The following PIGZ variants were observed in gnomAD, a reference collection of about 807,000 sequenced individuals.
PIGZ encodes the protein GPI alpha-1,2-mannosyltransferase 4.
PIGZ carries 16 observed loss-of-function variants against 16.4 expected under a neutral mutation model. The ratio of observed to expected loss-of-function variants is 0.97; its 90% CI spans 0.66 to 1.48. The LOEUF (loss-of-function observed/expected upper bound fraction) is 1.48, where lower values mean the gene tolerates loss of function less well. Ranked by LOEUF, PIGZ falls within the 40% of genes most tolerant of loss-of-function variation. PIGZ has a pLI of 0.00. For synonymous variants in PIGZ, 409 were observed against 338.4 expected (o/e 1.21, Z -2.29); for missense variants, 770 against 739.2 (o/e 1.04, Z -0.48).
At chr3:196,954,420 T>C (rs1181209075) in intron 1 of PIGZ, among the ~76,000 whole-genome samples, 1 of 152,274 alleles carries the variant, frequency 6.6e-6, no homozygotes, top group African/African-American at 2.4e-5. Flanking sequence ...TGATTTTTAT[T>C]CCTAATATTG....
chr3:196,950,476 C>T (rs544130084), intron 2 of PIGZ, among the ~76,000 whole-genome samples: 3 of 152,330 alleles, frequency 2.0e-5, no homozygotes, highest in South Asian at 4.1e-4. Flanking sequence ...CTGGCTGTTT[C>T]GAGCTGATCA....
At chr3:196,956,352 C>T (rs950582240) in intron 1 of PIGZ, among the ~76,000 whole-genome samples, 17 of 152,260 alleles carry the variant, frequency 1.1e-4, no homozygotes, top group South Asian at 2.1e-4. Context: ...TCTTACATGG[C>T]AGCAGGCAAA....
chr3:196,952,758 G>A (rs555475798), intron 1 of PIGZ, among the ~76,000 whole-genome samples: 1 of 152,292 alleles, frequency 6.6e-6, no homozygotes, highest in African/African-American at 2.4e-5. Context: ...TGAATTGGTA[G>A]ACTAAGAAGA....
intron 2 of PIGZ, 30 bp from the exon 3 acceptor site, chr3:196,948,715 C>T (rs1717061939): frequency 1.4e-6 from 2 of 1,433,008 alleles, no homozygotes; most frequent in Non-Finnish European, 9.1e-7. Flanking sequence ...TGAGCCAGTA[C>T]CAAGCTCAGG....
chr3:196,968,527 G>A (rs1488334037), intron 1 of PIGZ, among the ~76,000 whole-genome samples, 160 bp downstream of exon 1: 1 of 152,206 alleles, frequency 6.6e-6, no homozygotes, highest in Non-Finnish European at 1.5e-5. Flanking sequence ...AGGTGCCTGC[G>A]AGAATGCGGG....
intron 1 of PIGZ, among the ~76,000 whole-genome samples, chr3:196,963,127 T>C (rs1717788228): frequency 6.6e-6 from 1 of 152,212 alleles, no homozygotes; most frequent in African/African-American, 2.4e-5. Context: ...GTAGCAGGTA[T>C]CACTACGTCC....
At position 196,948,073 on chromosome 3, in the gene PIGZ, G is replaced by C; in HGVS notation, c.824C>G (p.Thr275Arg). 3 of 1,587,944 alleles carry C rather than the reference G, an allele frequency of 1.9e-6. No individual in the cohort carries two copies. The South Asian group carries it at 3.4e-5, about 18-fold the overall frequency. ...AALTAAVFVA[T>R]DSWYFSSPAT... The stretch of plus-strand genomic sequence containing the variant: ...GGGGCTGGAGAAATACCAGCTGTCC[G>C]TGGCCACAAACACCGCTGCTGTGAG... The change falls in exon 3 of 3, where the codon ACG (threonine) becomes AGG (arginine). Residue 275 changes from threonine to arginine, a missense_variant. Thr to Arg is a moderately conservative substitution (Grantham distance 71, BLOSUM62 -1). Transcript: ENST00000412723.
rs1717052453 is a variant in PIGZ, at chr3:196,948,578, G to A, written c.319C>T (p.Leu107Phe). The stretch of plus-strand genomic sequence containing the variant: ...GGCCCCAGCTCCTCCCAGAGCCTGA[G>A]CAGCCAGAAGGTGGAACCAGAGATC... Reference protein sequence around the residue: ...LLISGSTFWLLRLWEELGPWP... With the variant: ...LLISGSTFWLFRLWEELGPWP... Residue 107 changes from leucine (L) to phenylalanine (F), a missense_variant, in exon 3 of 3, where the codon CTC (leucine) becomes TTC (phenylalanine). Coordinates refer to ENST00000412723, the MANE Select transcript of PIGZ (RefSeq NM_025163.4). 3 of 1,587,714 alleles carry A rather than the reference G, an allele frequency of 1.9e-6. No individual in the cohort carries two copies. Among genetic ancestry groups the A allele is most frequent in the Non-Finnish European group, 2.6e-6 (3 of 1,168,174 alleles).
chr3:196,963,528 T>C (rs1350465075), intron 1 of PIGZ, among the ~76,000 whole-genome samples: 1 of 152,256 alleles, frequency 6.6e-6, no homozygotes, highest in Admixed American at 6.5e-5. Flanking sequence ...TGCATTTCTC[T>C]TTAAGATCAA....
At position 196,965,864 on chromosome 3, in the gene PIGZ, G is replaced by A. The variant is rs1480443219; in HGVS notation, c.-1+2823C>T. On this transcript the variant is annotated intron_variant, in intron 1 of 2. Transcript: ENST00000412723. The surrounding 1 kb of genome is among the most constrained non-coding windows in gnomAD (Gnocchi z 4.2). ...CCTGGAGTAGACTGCACCGCCATCC[G>A]CCTCTCCACTTTCCCTCTCTCACTG... Among the ~76,000 whole-genome samples the A allele has an allele frequency of 1.3e-5, 2 of 152,110 alleles. No homozygotes were observed. Among genetic ancestry groups the A allele is most frequent in the Admixed American group, 6.6e-5 (1 of 15,256 alleles).
chr3:196,950,610 T>C (rs9883886), intron 2 of PIGZ, among the ~76,000 whole-genome samples: 53,896 of 152,138 alleles, frequency 0.35, 10,531 homozygotes, highest in East Asian at 0.83. Flanking sequence ...TCTATCTGGC[T>C]GCTTTTCTGG....
intron 2 of PIGZ, among the ~76,000 whole-genome samples, chr3:196,950,302 T>C (rs1051887902): frequency 1.3e-5 from 2 of 152,202 alleles, no homozygotes; most frequent in African/African-American, 4.8e-5. Context: ...CTTAAATTTT[T>C]TGTAAGAAGA....
chr3:196,949,653 G>C (rs780993114), intron 2 of PIGZ, among the ~76,000 whole-genome samples: 1 of 152,186 alleles, frequency 6.6e-6, no homozygotes, highest in Non-Finnish European at 1.5e-5. Context: ...TGAGCTGCTC[G>C]TAGGATTTTG....
At chr3:196,956,016 T>C (rs1291957257) in intron 1 of PIGZ, among the ~76,000 whole-genome samples, 1 of 152,018 alleles carries the variant, frequency 6.6e-6, no homozygotes, top group South Asian at 2.1e-4. Context: ...AGTTTGGAAG[T>C]TACATATACT....
Position 196,947,382 on chromosome 3 carries a change from TTGTC to T in PIGZ, c.1511_1514del (p.Arg504AsnfsTer18), listed in dbSNP as rs1270795528. 6.2e-7 allele frequency: 1 copy of T among 1,614,052 alleles called. No individual in the cohort carries two copies. Among genetic ancestry groups the T allele is most frequent in the Non-Finnish European group, 8.5e-7 (1 of 1,180,016 alleles). ...GCCCACCAGCCACTTGGCAGGCTGG[TTGTC>T]TGGTGAAGCTTTTCAGGGTTTGGCA... On this transcript the variant is annotated frameshift_variant, in exon 3 of 3. Coordinates refer to ENST00000412723, the MANE Select transcript of PIGZ (RefSeq NM_025163.4). LOFTEE classifies it high-confidence loss of function.
Position 196,965,857 on chromosome 3 carries a change from G to A in PIGZ, c.-1+2830C>T, listed in dbSNP as rs534307727. ...AGCATGACCTGGAGTAGACTGCACC[G>A]CCATCCGCCTCTCCACTTTCCCTCT... On this transcript the variant is annotated intron_variant, in intron 1 of 2. Coordinates refer to ENST00000412723, the MANE Select transcript of PIGZ (RefSeq NM_025163.4). The surrounding 1 kb of genome is among the most constrained non-coding windows in gnomAD (Gnocchi z 4.2). Among the ~76,000 whole-genome samples, 2 of 152,194 alleles carry A rather than the reference G, an allele frequency of 1.3e-5. No homozygotes were observed. Among genetic ancestry groups the A allele is most frequent in the East Asian group, 1.9e-4 (1 of 5,180 alleles).
rs1490867716 is a variant in PIGZ at position 196,965,381 on chromosome 3, G to A, written c.-1+3306C>T. On this transcript the variant is annotated intron_variant, in intron 1 of 2. Transcript: ENST00000412723. This position sits in a 1 kb window ranked among gnomAD's most constrained non-coding sequence, Gnocchi z 4.2. ...ACTCCCTAACTATCCGAAGAACAGC[G>A]TGGGGGAAACCACCCCATGATCCGA... Among the ~76,000 whole-genome samples, 10 of 152,222 alleles carry A rather than the reference G, an allele frequency of 6.6e-5. No homozygotes were observed. The highest frequency in any genetic ancestry group is 1.7e-4 in the African/African-American group (7 of 41,520).
intron 2 of PIGZ, among the ~76,000 whole-genome samples, chr3:196,948,918 CCCTTCCTTCCCTTTACTTCCCTT>C (rs1717101598): frequency 2.7e-5 from 1 of 37,610 alleles, no homozygotes; most frequent in Non-Finnish European, 4.9e-5. Context: ...CCCCTCCCTT[CCCTTCCTTCCCTTTACTTCCCTT>C]CCTTCCCCTC....
intron 2 of PIGZ, 22 bp downstream of exon 2, chr3:196,951,796 CTCA>C (rs1560183602): frequency 6.2e-7 from 1 of 1,612,360 alleles, no homozygotes; most frequent in African/African-American, 1.3e-5. Flanking sequence ...TGCAGCTTGT[CTCA>C]GCCACACATG....
Sources: allele counts gnomAD v4.1 joint callset (sites outside exome capture counted in the v4.1 genomes callset), GRCh38; gene constraint gnomAD v4.1.1; non-coding constraint Gnocchi (gnomAD v3.1); transcripts MANE v1.5; gene names NCBI Gene and HGNC (gene_info 2026-07-23, HGNC 2026-07-21).